The following DNAJC1 variants were observed in gnomAD, a reference collection of about 807,000 sequenced individuals.
DNAJC1 encodes DnaJ heat shock protein family (Hsp40) member C1.
A neutral mutation model predicts 76.6 loss-of-function variants in DNAJC1; 58 were observed. That is an observed-to-expected ratio of 0.76 (90% confidence interval 0.61 to 0.94). DNAJC1 has a LOEUF of 0.94. DNAJC1 is among the 40% of genes least tolerant of loss of function. The pLI, the probability that DNAJC1 is intolerant of heterozygous loss-of-function variation, is 0.00. For synonymous variants in DNAJC1, 258 were observed against 267.9 expected (o/e 0.96, Z 0.36); for missense variants, 689 against 677.3 (o/e 1.02, Z -0.19).
At chr10:21,797,749 T>C (rs960194017) in intron 9 of DNAJC1, among the ~76,000 whole-genome samples, 2 of 152,166 alleles carry the variant, frequency 1.3e-5, no homozygotes, top group African/African-American at 4.8e-5. Flanking sequence ...TGTTGTGTGC[T>C]CTCTTGTCCT....
chr10:21,852,262 A>C (rs936326373), intron 8 of DNAJC1, among the ~76,000 whole-genome samples: 1 of 152,134 alleles, frequency 6.6e-6, no homozygotes, highest in Non-Finnish European at 1.5e-5. Flanking sequence ...TGAAATATTC[A>C]GAACAGGTAA....
chr10:21,787,991 T>C (rs971225980), intron 9 of DNAJC1, among the ~76,000 whole-genome samples: 1 of 152,220 alleles, frequency 6.6e-6, no homozygotes, highest in African/African-American at 2.4e-5. Flanking sequence ...CCTTCATCCC[T>C]GAGGCTACCC....
chr10:21,789,390 T>C (rs543854164), intron 9 of DNAJC1, among the ~76,000 whole-genome samples: 1 of 152,288 alleles, frequency 6.6e-6, no homozygotes, highest in Non-Finnish European at 1.5e-5. Flanking sequence ...TCTCTATGTA[T>C]GAAAGCCACT....
At chr10:21,761,318 G>C (rs1345528014) in intron 10 of DNAJC1, among the ~76,000 whole-genome samples, 1 of 152,126 alleles carries the variant, frequency 6.6e-6, no homozygotes, top group Non-Finnish European at 1.5e-5. Context: ...CAACACTTTG[G>C]GAGGCCAAGG....
intron 1 of DNAJC1, among the ~76,000 whole-genome samples, chr10:21,966,052 C>CTA (rs1564840233): frequency 6.6e-6 from 1 of 152,166 alleles, no homozygotes; most frequent in Non-Finnish European, 1.5e-5. Context: ...GATCTTGACA[C>CTA]TTCTAAAGAG....
At chr10:21,909,873 A>G (rs1449962512) in intron 6 of DNAJC1, among the ~76,000 whole-genome samples, 1 of 152,208 alleles carries the variant, frequency 6.6e-6, no homozygotes, top group Admixed American at 6.5e-5. Flanking sequence ...CAGAATGCCC[A>G]CTTTCCTATC....
chr10:21,831,261 A>C lies in DNAJC1; in HGVS notation c.979-25162T>G, dbSNP rs181340630. ...GATTTTCTCATTCTCCTTTCACAGA[A>C]GGGTAGCCCTTTGAGAGCAGGCTAG... On this transcript the variant is annotated intron_variant, in intron 8 of 11. Transcript: ENST00000376980. Among the ~76,000 whole-genome samples, 362 of 152,258 alleles carry C rather than the reference A, an allele frequency of 2.4e-3. 1 individual carries two copies. The highest frequency in any genetic ancestry group is 1.7e-3 in the Non-Finnish European group (119 of 68,004).
chr10:21,839,061 A>C (rs573248406), intron 8 of DNAJC1, among the ~76,000 whole-genome samples: 1 of 152,358 alleles, frequency 6.6e-6, no homozygotes, highest in Admixed American at 6.5e-5. Context: ...ATGAGAACAA[A>C]GACTCAACAT....
chr10:21,937,759 A>G (rs1437161708), intron 1 of DNAJC1, among the ~76,000 whole-genome samples: 2 of 152,188 alleles, frequency 1.3e-5, no homozygotes, highest in Non-Finnish European at 2.9e-5. Context: ...AAATCATACT[A>G]CGTTATCTTC....
intron 6 of DNAJC1, among the ~76,000 whole-genome samples, chr10:21,909,673 C>G (rs188731675): frequency 1.2e-4 from 19 of 152,326 alleles, no homozygotes; most frequent in African/African-American, 4.6e-4. Flanking sequence ...GGTCAGAAGA[C>G]TAGTTCTGGA....
intron 7 of DNAJC1, among the ~76,000 whole-genome samples, chr10:21,892,609 C>CATAT (rs905728200): frequency 6.7e-6 from 1 of 149,864 alleles, no homozygotes; most frequent in African/African-American, 2.4e-5. Context: ...ATCTTTTTTA[C>CATAT]ATATATATAT....
At chr10:21,992,690 T>C (rs562367583) in intron 1 of DNAJC1, among the ~76,000 whole-genome samples, 28 of 152,366 alleles carry the variant, frequency 1.8e-4, no homozygotes, top group Non-Finnish European at 2.9e-4. Context: ...TGAAAAAGTG[T>C]GTCAGCTGTC....
In DNAJC1 at chr10:22,003,198, C is replaced by A; in HGVS notation, c.222+15G>T. On this transcript the variant is annotated intron_variant, in intron 1 of 11. Transcript: ENST00000376980. ...TGGCCCCTCTCCGCCCGGCCCCGCG[C>A]GCCTCCTTGCTTACCTGCTGCACCC... 1 of 1,532,250 alleles carries A rather than the reference C, an allele frequency of 6.5e-7. No homozygotes were observed. The highest frequency in any genetic ancestry group is 1.2e-5 in the South Asian group (1 of 80,366). 94.9% of individuals were successfully genotyped at this position (1,532,250 alleles called of 1,614,324 possible). A position where few individuals can be genotyped will look rare whatever the true frequency, so the allele number is the denominator to read the frequency against.
intron 7 of DNAJC1, among the ~76,000 whole-genome samples, chr10:21,900,013 AG>A (rs1391004603): frequency 6.6e-6 from 1 of 152,182 alleles, no homozygotes; most frequent in Non-Finnish European, 1.5e-5. Context: ...TTGTAAACAC[AG>A]TACACTTAGG....
intron 9 of DNAJC1, among the ~76,000 whole-genome samples, chr10:21,791,045 T>C (rs1834679919): frequency 2.0e-5 from 3 of 151,958 alleles, no homozygotes; most frequent in Admixed American, 6.6e-5. Flanking sequence ...AGATACTCCA[T>C]GCAAAAGGAA....
At chr10:21,986,212 T>C (rs1340639253) in intron 1 of DNAJC1, among the ~76,000 whole-genome samples, 1 of 152,132 alleles carries the variant, frequency 6.6e-6, no homozygotes, top group Non-Finnish European at 1.5e-5. Context: ...CGAGACTCCA[T>C]CTCAAAAAAA....
chr10:21,941,441 T>C (rs1365590138), intron 1 of DNAJC1, among the ~76,000 whole-genome samples: 1 of 152,074 alleles, frequency 6.6e-6, no homozygotes, highest in Non-Finnish European at 1.5e-5. Flanking sequence ...TTATATTGGA[T>C]GGGATAATAG....
rs544224176 is a variant in DNAJC1 at position 21,770,399 on chromosome 10, T to C, written c.1099-4090A>G. ...TTGTAAGATTATTTTTTTCTTCTTT[T>C]TTTTTTTTTTTTTTTTGAGATGGAG... On this transcript the variant is annotated intron_variant, in intron 9 of 11. Transcript: ENST00000376980. Among the ~76,000 whole-genome samples, 11 of 144,582 alleles carry C rather than the reference T, an allele frequency of 7.6e-5. No homozygotes were observed. The South Asian group carries it at 1.1e-3, about 15-fold the overall frequency. The allele number at this position is 144,582 out of a possible 152,430, so 94.9% of individuals were successfully genotyped here.
rs1025965486 is a variant in DNAJC1 at position 21,869,236 on chromosome 10, A to G, written c.978+13046T>C. Reference sequence around the variant, plus strand: ...ATCTCAAAAAAAAAAAAAAAAAAAAAGAGACATTTGCCATCTATTCTCTCT... The same window carrying G: ...ATCTCAAAAAAAAAAAAAAAAAAAAGGAGACATTTGCCATCTATTCTCTCT... On this transcript the variant is annotated intron_variant, in intron 8 of 11. Transcript: ENST00000376980. Among the ~76,000 whole-genome samples, 16 of 140,868 alleles carry G rather than the reference A, an allele frequency of 1.1e-4. 1 individual carries two copies. The highest frequency in any genetic ancestry group is 1.1e-3 in the Admixed American group (16 of 14,184). The allele number at this position is 140,868 out of a possible 152,430, so 92.4% of individuals were successfully genotyped here.
Sources: gnomAD v4.1 joint callset for allele counts (sites outside exome capture counted in the v4.1 genomes callset) on GRCh38, gnomAD v4.1.1 for gene constraint, MANE v1.5 for transcripts, NCBI Gene and HGNC (gene_info 2026-07-23, HGNC 2026-07-21) for gene names.